The following CNTNAP2 variants were observed in gnomAD, a reference collection of about 807,000 sequenced individuals.
CNTNAP2 encodes the protein contactin-associated protein-like 2.
CNTNAP2 carries 98 observed loss-of-function variants against 155.2 expected under a neutral mutation model. The observed-to-expected ratio is 0.63, with a 90% CI of 0.54 to 0.75. The LOEUF (loss-of-function observed/expected upper bound fraction) is 0.75, where lower values mean the gene tolerates loss of function less well. Ranked by LOEUF, CNTNAP2 falls within the 30% of genes least tolerant of loss-of-function variation. The pLI is 0.00. For synonymous variants in CNTNAP2, 651 were observed against 631.2 expected (o/e 1.03, Z -0.47); for missense variants, 1,727 against 1,688.1 (o/e 1.02, Z -0.40).
At chr7:146,833,926 A>G (rs1221560835) in intron 2 of CNTNAP2, among the ~76,000 whole-genome samples, 1 of 152,016 alleles carries the variant, frequency 6.6e-6, no homozygotes, top group Non-Finnish European at 1.5e-5. Context: ...CTTCTTATCT[A>G]TCTTATCTAA....
chr7:147,613,778 G>A (rs929705267), intron 12 of CNTNAP2, among the ~76,000 whole-genome samples: 4 of 152,122 alleles, frequency 2.6e-5, no homozygotes, highest in Non-Finnish European at 4.4e-5. Flanking sequence ...AGGAGGCAGA[G>A]GTTGCAATGA....
intron 8 of CNTNAP2, among the ~76,000 whole-genome samples, chr7:147,242,632 T>G (rs1249715882): frequency 6.6e-6 from 1 of 152,196 alleles, no homozygotes; most frequent in Non-Finnish European, 1.5e-5. Flanking sequence ...AAAGTTTTCC[T>G]TATCGCTCTT....
chr7:148,006,549 C>T (rs1170709545), intron 15 of CNTNAP2, among the ~76,000 whole-genome samples: 1 of 151,112 alleles, frequency 6.6e-6, no homozygotes, highest in Non-Finnish European at 1.5e-5. Flanking sequence ...AAACTCCTGA[C>T]CTCAAGTGAT....
Position 147,802,213 on chromosome 7 carries a change from C to T in CNTNAP2, c.2099-101352C>T, listed in dbSNP as rs553412164. Among the ~76,000 whole-genome samples the T allele has an allele frequency of 3.2e-3, 414 of 129,482 alleles. 2 individuals carry two copies. Among genetic ancestry groups the T allele is most frequent in the Non-Finnish European group, 3.6e-3 (229 of 62,768 alleles). 84.9% of individuals were successfully genotyped at this position (129,482 alleles called of 152,430 possible). A position where few individuals can be genotyped will look rare whatever the true frequency, so the allele number is the denominator to read the frequency against. ...GCAGAGGTGCTCCCCACATCTCAGA[C>T]GATGGGCGGCCGGGAAGAGACGCTC... On this transcript the variant is annotated intron_variant, in intron 13 of 23. Transcript: ENST00000361727.
chr7:147,440,684 G>T (rs1179641303), intron 10 of CNTNAP2, among the ~76,000 whole-genome samples: 3 of 151,954 alleles, frequency 2.0e-5, no homozygotes, highest in African/African-American at 7.2e-5. Context: ...TGTTTGTCTG[G>T]GAAAAATCTT....
chr7:147,892,963 C>A (rs2710101), intron 13 of CNTNAP2, among the ~76,000 whole-genome samples: 46,013 of 151,960 alleles, frequency 0.3, 7,376 homozygotes, highest in African/African-American at 0.4. Flanking sequence ...AAAATGCTCA[C>A]CTTTAACTAC....
chr7:147,864,124 C>A (rs1053669032), intron 13 of CNTNAP2, among the ~76,000 whole-genome samples: 2 of 151,984 alleles, frequency 1.3e-5, no homozygotes, highest in African/African-American at 4.8e-5. Flanking sequence ...AAGAAAGGAT[C>A]CAGTTTCAGC....
At chr7:146,964,785 T>C (rs986592785) in intron 3 of CNTNAP2, among the ~76,000 whole-genome samples, 1 of 151,650 alleles carries the variant, frequency 6.6e-6, no homozygotes, top group Non-Finnish European at 1.5e-5. Flanking sequence ...TTTCTGTCTC[T>C]ATATTCAAAT....
intron 1 of CNTNAP2, among the ~76,000 whole-genome samples, chr7:146,491,304 G>T (rs914296794): frequency 2.6e-5 from 4 of 151,952 alleles, no homozygotes; most frequent in Non-Finnish European, 4.4e-5. Context: ...GTTGGGTTCT[G>T]CTCACTTCTC....
At chr7:147,005,178 A>T (rs1798503208) in intron 3 of CNTNAP2, among the ~76,000 whole-genome samples, 1 of 152,062 alleles carries the variant, frequency 6.6e-6, no homozygotes, top group Non-Finnish European at 1.5e-5. Context: ...GAGGTGTGAC[A>T]TAGTTATTTT....
chr7:146,680,250 A>T (rs1404975491), intron 1 of CNTNAP2, among the ~76,000 whole-genome samples: 1 of 152,174 alleles, frequency 6.6e-6, no homozygotes, highest in African/African-American at 2.4e-5. Context: ...CTTTTGGATT[A>T]TGTAACCACA....
At chr7:147,893,118 A>G (rs576836631) in intron 13 of CNTNAP2, among the ~76,000 whole-genome samples, 92 of 152,352 alleles carry the variant, frequency 6.0e-4, no homozygotes, top group Non-Finnish European at 9.6e-4. Flanking sequence ...GTAGAATTGG[A>G]TGGTTAGGAA....
chr7:146,388,534 T>C (rs970486263), intron 1 of CNTNAP2, among the ~76,000 whole-genome samples: 9 of 152,152 alleles, frequency 5.9e-5, no homozygotes, highest in African/African-American at 1.7e-4. Context: ...GATGCAGGCA[T>C]GCAATGTGGA....
At chr7:146,990,276 T>G (rs1798187577) in intron 3 of CNTNAP2, among the ~76,000 whole-genome samples, 1 of 152,130 alleles carries the variant, frequency 6.6e-6, no homozygotes, top group Admixed American at 6.6e-5. Flanking sequence ...GGACACTTAG[T>G]TCAATTAGCT....
intron 3 of CNTNAP2, among the ~76,000 whole-genome samples, chr7:146,851,689 T>C (rs1288145577): frequency 8.1e-6 from 1 of 122,956 alleles, no homozygotes; most frequent in Non-Finnish European, 1.9e-5. Context: ...TGTGTGTGTG[T>C]GTGTGTGTGT....
chr7:146,646,154 A>G (rs184777181), intron 1 of CNTNAP2, among the ~76,000 whole-genome samples: 16 of 152,338 alleles, frequency 1.1e-4, no homozygotes, highest in Admixed American at 7.2e-4. Context: ...AAGTGAAAAC[A>G]TATCTGCTTA....
chr7:148,130,729 C>T (rs1468587080), intron 16 of CNTNAP2, among the ~76,000 whole-genome samples: 2 of 152,252 alleles, frequency 1.3e-5, no homozygotes, highest in East Asian at 1.9e-4. Context: ...GACACCACTA[C>T]AGTTTCCTAA....
chr7:146,149,256 A>G (rs1051737533), intron 1 of CNTNAP2, among the ~76,000 whole-genome samples: 5 of 152,156 alleles, frequency 3.3e-5, no homozygotes, highest in African/African-American at 7.2e-5. Context: ...AAGATTGACA[A>G]TATGATCCCT....
At chr7:146,508,875 T>C (rs1797424902) in intron 1 of CNTNAP2, among the ~76,000 whole-genome samples, 1 of 152,320 alleles carries the variant, frequency 6.6e-6, no homozygotes, top group Non-Finnish European at 1.5e-5. Context: ...AATCCACATA[T>C]GTGTATGAGT....
Sources: allele counts gnomAD v4.1 joint callset (sites outside exome capture counted in the v4.1 genomes callset), GRCh38; gene constraint gnomAD v4.1.1; transcripts MANE v1.5; gene names NCBI Gene and HGNC (gene_info 2026-07-23, HGNC 2026-07-21).